ACVR2A: variants seen among roughly 807,000 people sequenced by gnomAD.
ACVR2A encodes the protein activin receptor type-2A.
In ACVR2A, 7 loss-of-function variants were observed where a neutral mutation model predicts 61.4. The ratio of observed to expected loss-of-function variants is 0.11; its 90% CI spans 0.06 to 0.21. ACVR2A has a LOEUF of 0.21. Ranked by LOEUF, ACVR2A falls within the 10% of genes least tolerant of loss-of-function variation. The probability of loss-of-function intolerance (pLI) is 1.00; values close to 1 mark genes in which losing one functional copy is unlikely to be tolerated. For synonymous variants in ACVR2A, 193 were observed against 208.3 expected, an observed-to-expected ratio of 0.93 and a Z score of 0.63; for missense variants, 322 against 621.7, an observed-to-expected ratio of 0.52 and a Z score of 5.13.
At position 147,920,490 on chromosome 2, in the gene ACVR2A, T is replaced by A; in HGVS notation, c.1077+146T>A. ...GTTATCAAAGTTTCTGAGGAAGACA[T>A]TTTCATATGATGGTAGAGGACTCAG... On this transcript the variant is annotated intron_variant, in intron 8 of 10. Transcript: ENST00000241416. 4.7e-6 allele frequency: 3 copies of A among 641,440 alleles called. No homozygotes were observed. In the South Asian group the frequency reaches 6.5e-5, roughly 14 times the overall value. 39.7% of individuals were successfully genotyped at this position (641,440 alleles called of 1,614,324 possible).
At chr2:147,916,516 C>T (rs1477435305) in intron 5 of ACVR2A, among the ~76,000 whole-genome samples, 1 of 151,848 alleles carries the variant, frequency 6.6e-6, no homozygotes, top group East Asian at 1.9e-4. Context: ...ATAAGACAGA[C>T]ACTACAATGC....
intron 1 of ACVR2A, among the ~76,000 whole-genome samples, chr2:147,849,206 T>C (rs1441906498): frequency 6.6e-6 from 1 of 152,130 alleles, no homozygotes; most frequent in Non-Finnish European, 1.5e-5. Context: ...TTGGTTAAGG[T>C]ATCAAGTTTA....
chr2:147,857,299 T>C (rs921180705), intron 1 of ACVR2A, among the ~76,000 whole-genome samples: 1 of 152,116 alleles, frequency 6.6e-6, no homozygotes, highest in Non-Finnish European at 1.5e-5. Flanking sequence ...TCTAGCAACA[T>C]ATATTTAGCA....
At chr2:147,915,068 C>A in intron 4 of ACVR2A, 123 bp from the exon 5 acceptor site, 1 of 853,236 alleles carries the variant, frequency 1.2e-6, no homozygotes, top group Non-Finnish European at 1.8e-6. Flanking sequence ...AAGTTAATGT[C>A]ATTCATATGT....
intron 1 of ACVR2A, among the ~76,000 whole-genome samples, chr2:147,874,563 G>A (rs1032610482): frequency 6.6e-6 from 1 of 151,916 alleles, no homozygotes; most frequent in African/African-American, 2.4e-5. Context: ...TTGGTTGTTA[G>A]ATAAAAATAT....
At chr2:147,917,490 A>G (rs1687274450) in intron 6 of ACVR2A, 64 bp downstream of exon 6, 2 of 1,541,472 alleles carry the variant, frequency 1.3e-6, no homozygotes, top group South Asian at 1.2e-5. Flanking sequence ...AATGCTGGCT[A>G]TAAATCCCTC....
chr2:147,899,976 C>G, intron 4 of ACVR2A, 78 bp downstream of exon 4: 1 of 1,419,634 alleles, frequency 7.0e-7, no homozygotes, highest in African/African-American at 1.4e-5. Context: ...AACCCACTAA[C>G]TTATTACAGA....
intron 1 of ACVR2A, among the ~76,000 whole-genome samples, chr2:147,866,282 A>T (rs1685852907): frequency 1.3e-5 from 2 of 152,328 alleles, no homozygotes; most frequent in Middle Eastern, 6.8e-3. Flanking sequence ...CCTGTTGTAT[A>T]TTGCCGTAGC....
intron 1 of ACVR2A, among the ~76,000 whole-genome samples, chr2:147,891,788 A>G (rs1686589140): frequency 6.6e-6 from 1 of 152,220 alleles, no homozygotes; most frequent in South Asian, 2.1e-4. Flanking sequence ...TTTACATAAA[A>G]AAATTGCCAT....
chr2:147,924,409 C>T (rs1342538917), intron 9 of ACVR2A, among the ~76,000 whole-genome samples: 2 of 151,916 alleles, frequency 1.3e-5, no homozygotes, highest in Non-Finnish European at 1.5e-5. Flanking sequence ...GCCCATTCCC[C>T]AGTACATAGG....
chr2:147,849,087 A>C (rs1685388252), intron 1 of ACVR2A, among the ~76,000 whole-genome samples: 1 of 152,170 alleles, frequency 6.6e-6, no homozygotes, highest in South Asian at 2.1e-4. Context: ...GTATAGTATA[A>C]TATTTTATAC....
intron 4 of ACVR2A, among the ~76,000 whole-genome samples, chr2:147,914,672 A>C (rs1573705916): frequency 2.6e-5 from 4 of 152,096 alleles, no homozygotes; most frequent in Admixed American, 2.6e-4. Flanking sequence ...TATTTGATAT[A>C]CCTATCTGCA....
intron 1 of ACVR2A, among the ~76,000 whole-genome samples, chr2:147,849,507 G>T (rs999632130): frequency 5.3e-5 from 8 of 152,022 alleles, no homozygotes; most frequent in African/African-American, 1.9e-4. Flanking sequence ...CTGGGTTTTG[G>T]TTACCGTTAG....
At chr2:147,857,501 G>A (rs529189450) in intron 1 of ACVR2A, among the ~76,000 whole-genome samples, 46 of 144,270 alleles carry the variant, frequency 3.2e-4, no homozygotes, top group Non-Finnish European at 5.7e-4. Context: ...TGGTACATAT[G>A]TAGCCGTTTG....
intron 1 of ACVR2A, among the ~76,000 whole-genome samples, chr2:147,892,222 G>T (rs763548136): frequency 1.3e-5 from 2 of 151,896 alleles, no homozygotes; most frequent in African/African-American, 4.8e-5. Flanking sequence ...CGCCTGCCTC[G>T]GCTTCCCAAA....
intron 1 of ACVR2A, among the ~76,000 whole-genome samples, chr2:147,889,058 C>T (rs1012017069): frequency 4.0e-5 from 6 of 151,558 alleles, no homozygotes; most frequent in African/African-American, 1.2e-4. Context: ...CTGCAACCAC[C>T]GATATGACCA....
rs373756098 is a variant in ACVR2A at position 147,865,200 on chromosome 2, A to G, written c.55+19993A>G. ...GTTTATTACCACAGTCCTAGTGTCC[A>G]GTGCTCAATAAATACTGTTGAATAA... On this transcript the variant is annotated intron_variant, in intron 1 of 10. Coordinates refer to ENST00000241416, the MANE Select transcript of ACVR2A (RefSeq NM_001616.5). Among the ~76,000 whole-genome samples, 965 of 152,312 alleles carry G rather than the reference A, an allele frequency of 6.3e-3. 9 individuals are homozygous for G. Among genetic ancestry groups the G allele is most frequent in the Non-Finnish European group, 0.01 (705 of 68,018 alleles).
rs1401565775 is a variant in ACVR2A at position 147,927,748 on chromosome 2, A to G, written c.*474A>G. 6.5e-6 allele frequency: 1 copy of G among 153,522 alleles called. No homozygotes were observed. The highest frequency in any genetic ancestry group is 1.5e-5 in the Non-Finnish European group (1 of 68,872). The allele number at this position is 153,522 out of a possible 1,614,324, so 9.5% of individuals were successfully genotyped here. On this transcript the variant is annotated 3_prime_UTR_variant, in exon 11 of 11. Coordinates refer to ENST00000241416, the MANE Select transcript of ACVR2A (RefSeq NM_001616.5). ...TCTATAAATGACTATTGTAATGCCA[A>G]TATGACACAGCTTGTGAATGTTTAG...
chr2:147,927,334 AG>A lies in ACVR2A; in HGVS notation c.*61del. On this transcript the variant is annotated 3_prime_UTR_variant, in exon 11 of 11. Coordinates refer to ENST00000241416, the MANE Select transcript of ACVR2A (RefSeq NM_001616.5). ...CTCTGAACTGGAGCTGCTAAGCTAA[AG>A]AAACTGCTTACAGTTTATTTTCTGT... 6.9e-7 allele frequency: 1 copy of A among 1,458,920 alleles called. No individual in the cohort carries two copies. The highest frequency in any genetic ancestry group is 9.3e-7 in the Non-Finnish European group (1 of 1,074,832). The allele number at this position is 1,458,920 out of a possible 1,614,324, so 90.4% of individuals were successfully genotyped here. A position where few individuals can be genotyped will look rare whatever the true frequency, so the allele number is the denominator to read the frequency against.
Sources: allele counts gnomAD v4.1 joint callset (sites outside exome capture counted in the v4.1 genomes callset), GRCh38; gene constraint gnomAD v4.1.1; transcripts MANE v1.5; gene names NCBI Gene and HGNC (gene_info 2026-07-23, HGNC 2026-07-21).